The following EPHB2 variants were observed in gnomAD, a reference collection of about 807,000 sequenced individuals.
EPHB2 encodes the protein ephrin type-B receptor 2.
Under a neutral mutation model 96.4 loss-of-function variants are expected in EPHB2, and 18 were observed. The observed-to-expected ratio is 0.19, with a 90% confidence interval of 0.13 to 0.28. The LOEUF (loss-of-function observed/expected upper bound fraction) is 0.28. Ranked by LOEUF, EPHB2 falls within the 10% of genes least tolerant of loss-of-function variation. The probability of loss-of-function intolerance (pLI) is 1.00; values close to 1 mark genes in which losing one functional copy is unlikely to be tolerated. For synonymous variants in EPHB2, 506 were observed against 534.1 expected, an observed-to-expected ratio of 0.95 and a Z score of 0.72; for missense variants, 989 against 1,355.4, an observed-to-expected ratio of 0.73 and a Z score of 4.25.
chr1:22,743,826 C>A (rs1557648421), intron 1 of EPHB2, among the ~76,000 whole-genome samples: 2 of 152,212 alleles, frequency 1.3e-5, no homozygotes, highest in Non-Finnish European at 2.9e-5. Flanking sequence ...GTGCCTGGCA[C>A]ATAGTAGGCC....
At chr1:22,805,967 C>G (rs139230518) in intron 3 of EPHB2, among the ~76,000 whole-genome samples, 248 of 152,302 alleles carry the variant, frequency 1.6e-3, no homozygotes, top group African/African-American at 5.4e-3. Context: ...ACCATCCATG[C>G]CCGCAGAGCC....
chr1:22,812,973 T>A (rs934272120), intron 3 of EPHB2, among the ~76,000 whole-genome samples: 3 of 152,210 alleles, frequency 2.0e-5, no homozygotes, highest in Admixed American at 6.5e-5. Flanking sequence ...ATTTTTCTTC[T>A]GTCACCCACA....
intron 3 of EPHB2, among the ~76,000 whole-genome samples, chr1:22,825,774 T>C (rs1045133964): frequency 6.6e-6 from 1 of 152,224 alleles, no homozygotes; most frequent in South Asian, 2.1e-4. Context: ...AGTGGCTGCC[T>C]TGGTCACCAG....
chr1:22,876,725 G>A (rs2176272), intron 5 of EPHB2, among the ~76,000 whole-genome samples: 13,997 of 152,216 alleles, frequency 0.092, 898 homozygotes, highest in Non-Finnish European at 0.14. Context: ...CAGGGTGGGC[G>A]GTGGGCAGCA....
intron 3 of EPHB2, among the ~76,000 whole-genome samples, chr1:22,798,653 AG>A (rs964772545): frequency 2.6e-5 from 4 of 152,074 alleles, no homozygotes; most frequent in Admixed American, 2.6e-4. Context: ...GGAAGTTGCC[AG>A]GGGGAGCCTT....
At chr1:22,892,110 C>T (rs996740315) in intron 6 of EPHB2, among the ~76,000 whole-genome samples, 1 of 151,986 alleles carries the variant, frequency 6.6e-6, no homozygotes, top group Admixed American at 6.6e-5. Context: ...TTTTGAATCT[C>T]AAAGCAACCC....
intron 9 of EPHB2, among the ~76,000 whole-genome samples, chr1:22,902,702 G>T (rs1249975798): frequency 6.6e-6 from 1 of 152,210 alleles, no homozygotes; most frequent in African/African-American, 2.4e-5. Flanking sequence ...TGGGGAAAAG[G>T]GTAAACTAAG....
chr1:22,809,540 A>T (rs1644974904), intron 3 of EPHB2, among the ~76,000 whole-genome samples: 2 of 152,204 alleles, frequency 1.3e-5, no homozygotes, highest in Admixed American at 1.3e-4. Context: ...GTGTGCCAGG[A>T]TCCTTGTTGA....
intron 1 of EPHB2, among the ~76,000 whole-genome samples, chr1:22,741,399 CCAG>C (rs1379220528): frequency 6.6e-6 from 1 of 152,124 alleles, no homozygotes; most frequent in Non-Finnish European, 1.5e-5. Flanking sequence ...CTGCCTTCCT[CCAG>C]CCTGCGCCCC....
At chr1:22,775,389 C>G in intron 1 of EPHB2, 1 of 681,890 alleles carries the variant, frequency 1.5e-6, no homozygotes, top group East Asian at 2.7e-5. Flanking sequence ...AAAGTTTCTT[C>G]TTCATGACTT....
chr1:22,849,294 C>G (rs1645589117), intron 3 of EPHB2, among the ~76,000 whole-genome samples: 1 of 152,164 alleles, frequency 6.6e-6, no homozygotes. Context: ...AGTGATCCCT[C>G]TGAGGACCGA....
intron 1 of EPHB2, among the ~76,000 whole-genome samples, chr1:22,765,972 G>T (rs1391611967): frequency 6.6e-6 from 1 of 152,188 alleles, no homozygotes; most frequent in Non-Finnish European, 1.5e-5. Context: ...TGGAGGCTCA[G>T]GGAGGATTCC....
intron 1 of EPHB2, among the ~76,000 whole-genome samples, chr1:22,772,394 A>T (rs1339631946): frequency 6.6e-6 from 1 of 152,106 alleles, no homozygotes; most frequent in African/African-American, 2.4e-5. Flanking sequence ...TGGTGGGAGG[A>T]CGAGAAGGGG....
intron 2 of EPHB2, among the ~76,000 whole-genome samples, chr1:22,783,617 G>A (rs752085553): frequency 2.2e-4 from 34 of 152,222 alleles, no homozygotes; most frequent in South Asian, 1.0e-3. Context: ...CAGTGGGAAG[G>A]AGCCTGGTCC....
chr1:22,802,024 G>A (rs935445651), intron 3 of EPHB2, among the ~76,000 whole-genome samples: 1 of 152,200 alleles, frequency 6.6e-6, no homozygotes, highest in African/African-American at 2.4e-5. Flanking sequence ...CCTGCGCAGG[G>A]CTTTGTGGGG....
At chr1:22,842,210 G>T (rs1454809775) in intron 3 of EPHB2, among the ~76,000 whole-genome samples, 1 of 152,098 alleles carries the variant, frequency 6.6e-6, no homozygotes, top group Non-Finnish European at 1.5e-5. Context: ...TGTCCCAGAA[G>T]TCTAATTACT....
intron 3 of EPHB2, among the ~76,000 whole-genome samples, chr1:22,808,550 C>A (rs1310370899): frequency 6.6e-6 from 1 of 152,188 alleles, no homozygotes; most frequent in Non-Finnish European, 1.5e-5. Context: ...GACGTGTCAC[C>A]GCAGAGTCAA....
At chr1:22,766,613 G>A (rs1644310854) in intron 1 of EPHB2, among the ~76,000 whole-genome samples, 2 of 152,158 alleles carry the variant, frequency 1.3e-5, no homozygotes, top group South Asian at 4.1e-4. Context: ...CAGTCCTATG[G>A]TGGTTGGGGG....
rs1487185106 is a variant in EPHB2 at position 22,860,558 on chromosome 1, C to T, written c.812-2479C>T. 6.6e-6 allele frequency among the ~76,000 whole-genome samples: 1 copy of T among 152,040 alleles called. No individual in the cohort carries two copies. Among genetic ancestry groups the T allele is most frequent in the African/African-American group, 2.4e-5 (1 of 41,354 alleles). ...GGAGAGGGCAGCCAGAAAGGCAGTC[C>T]AGATGGAGAGGCTGGCACCGCACAG... On this transcript the variant is annotated intron_variant, in intron 3 of 15. Transcript: ENST00000374630. This position sits in a 1 kb window ranked among gnomAD's most constrained non-coding sequence, Gnocchi z 4.6.
Sources: gnomAD v4.1 joint callset for allele counts (sites outside exome capture counted in the v4.1 genomes callset) on GRCh38, gnomAD v4.1.1 for gene constraint, Gnocchi (gnomAD v3.1) non-coding constraint, MANE v1.5 for transcripts, NCBI Gene and HGNC (gene_info 2026-07-23, HGNC 2026-07-21) for gene names.